The following MFSD8 variants were observed in gnomAD, a reference collection of about 807,000 sequenced individuals.
The protein encoded by MFSD8 is major facilitator superfamily domain-containing protein 8.
In MFSD8, 55 loss-of-function variants were observed where a neutral mutation model predicts 66.4. The observed-to-expected ratio is 0.83, with a 90% CI of 0.67 to 1.04. The LOEUF is 1.04. Among genes scored for constraint, MFSD8 ranks in the 50% least tolerant of loss-of-function variants. The pLI is 0.00. For missense variants in MFSD8, 550 were observed against 627.6 expected, an observed-to-expected ratio of 0.88 and a Z score of 1.32; for synonymous variants, 202 against 212.8, an observed-to-expected ratio of 0.95 and a Z score of 0.44.
intron 8 of MFSD8, among the ~76,000 whole-genome samples, chr4:127,931,934 TC>T (rs1394849270): frequency 1.3e-5 from 2 of 151,936 alleles, no homozygotes; most frequent in Non-Finnish European, 2.9e-5. Flanking sequence ...CATGGGGAAA[TC>T]CTGTCTCTAC....
At position 127,965,164 on chromosome 4, in the gene MFSD8, CA is replaced by C; in HGVS notation, c.-32del. ...CACTCCCTACAAGGCGTCTTGCGCC[CA>C]ACTCTCGCGACACCTGCTTTCTCCC... On this transcript the variant is annotated 5_prime_UTR_variant, in exon 1 of 12. Coordinates refer to ENST00000641686, the MANE Select transcript of MFSD8 (RefSeq NM_001371596.2). The C allele has an allele frequency of 6.2e-7, 1 of 1,613,270 alleles. No individual in the cohort carries two copies. Among genetic ancestry groups the C allele is most frequent in the East Asian group, 2.2e-5 (1 of 44,872 alleles).
At chr4:127,964,174 C>A (rs1181368515) in intron 1 of MFSD8, among the ~76,000 whole-genome samples, 1 of 152,274 alleles carries the variant, frequency 6.6e-6, no homozygotes. Context: ...GCTGGCTTCG[C>A]CCAGTGGATC....
At chr4:127,933,513 G>C (rs1738521428) in intron 7 of MFSD8, 1 of 164,636 alleles carries the variant, frequency 6.1e-6, no homozygotes, top group Admixed American at 5.9e-5. Flanking sequence ...CAAAGTGTTG[G>C]GATTACACGT....
At chr4:127,927,004 A>T (rs1425008131) in intron 9 of MFSD8, among the ~76,000 whole-genome samples, 1 of 152,206 alleles carries the variant, frequency 6.6e-6, no homozygotes, top group Non-Finnish European at 1.5e-5. Flanking sequence ...CCAGTACTAT[A>T]ATCTACAGTA....
intron 2 of MFSD8, among the ~76,000 whole-genome samples, chr4:127,950,844 G>A (rs1356448694): frequency 6.6e-6 from 1 of 151,826 alleles, no homozygotes; most frequent in African/African-American, 2.4e-5. Context: ...AATCACTTGA[G>A]GCCAGGAGTT....
chr4:127,950,980 G>A (rs1182144908), intron 2 of MFSD8, among the ~76,000 whole-genome samples: 1 of 150,264 alleles, frequency 6.7e-6, no homozygotes, highest in African/African-American at 2.4e-5. Context: ...AGAATTGCTT[G>A]AACACGGAGG....
At chr4:127,965,039 G>C (rs2149007869) in intron 1 of MFSD8, 33 bp downstream of exon 1, 1 of 1,610,056 alleles carries the variant, frequency 6.2e-7, no homozygotes, top group Non-Finnish European at 8.5e-7. Context: ...CAGCGCAGGA[G>C]ACTGAGGGGT....
rs1743087138 is a variant in MFSD8, at chr4:127,957,522, T to A, written c.133A>T (p.Thr45Ser). 2 of 1,609,516 alleles carry A rather than the reference T, an allele frequency of 1.2e-6. No individual in the cohort carries two copies. Among genetic ancestry groups the A allele is most frequent in the Non-Finnish European group, 1.7e-6 (2 of 1,176,250 alleles). ...TTACCTACACTGCTGAGAAACATAG[T>A]AAGATATAAAATCCTAATAGATCTC... The part of the protein sequence containing the change: ...RWRSIRILYL[T>S]MFLSSVGFSV... The change falls in exon 2 of 12, where the codon ACT (threonine) becomes TCT (serine). Residue 45 changes from threonine (T) to serine (S), a missense_variant. Thr to Ser is a moderately conservative substitution (Grantham distance 58). Coordinates refer to ENST00000641686, the MANE Select transcript of MFSD8 (RefSeq NM_001371596.2).
chr4:127,936,381 C>T (rs914900803), intron 7 of MFSD8, among the ~76,000 whole-genome samples: 3 of 151,942 alleles, frequency 2.0e-5, no homozygotes, highest in African/African-American at 7.2e-5. Context: ...TCCCAAAGTG[C>T]TGGGATTACA....
intron 1 of MFSD8, chr4:127,964,542 G>C (rs1352199702): frequency 5.8e-6 from 1 of 171,022 alleles, no homozygotes; most frequent in Non-Finnish European, 1.3e-5. Flanking sequence ...TGCGGGGCCC[G>C]CCAAGCCCAC....
chr4:127,959,653 C>T (rs753845659), intron 1 of MFSD8, among the ~76,000 whole-genome samples: 3 of 151,946 alleles, frequency 2.0e-5, no homozygotes, highest in African/African-American at 4.8e-5. Flanking sequence ...ATGTACCTGC[C>T]GAAAGATTTC....
At chr4:127,962,927 G>C (rs1744040435) in intron 1 of MFSD8, among the ~76,000 whole-genome samples, 2 of 152,114 alleles carry the variant, frequency 1.3e-5, no homozygotes, top group South Asian at 4.1e-4. Flanking sequence ...GTGCTTAAGG[G>C]GAACAAATGA....
rs1018274376 is a variant in MFSD8, at chr4:127,941,611, G to A, written c.553+434C>T. On this transcript the variant is annotated intron_variant, in intron 5 of 11. Coordinates refer to ENST00000641686, the MANE Select transcript of MFSD8 (RefSeq NM_001371596.2). ...CAAGTAGCTGGGATTACAGGTGCCC[G>A]CCACCACACCTGGCTAATTTTTGTA... Among the ~76,000 whole-genome samples the A allele has an allele frequency of 4.6e-5, 7 of 151,938 alleles. No individual in the cohort carries two copies. In the East Asian group the frequency reaches 5.8e-4, roughly 13 times the overall value.
intron 1 of MFSD8, among the ~76,000 whole-genome samples, chr4:127,963,741 C>T (rs775215780): frequency 6.6e-6 from 1 of 152,136 alleles, no homozygotes; most frequent in African/African-American, 2.4e-5. Flanking sequence ...TCGCAAAGAG[C>T]GAAAAAACAA....
chr4:127,964,959 G>C, intron 1 of MFSD8, 113 bp downstream of exon 1: 1 of 1,311,320 alleles, frequency 7.6e-7, no homozygotes, highest in South Asian at 1.3e-5. Context: ...GGCTCCCACC[G>C]CGCTGGAACC....
chr4:127,960,149 T>C lies in MFSD8; in HGVS notation c.63-2557A>G, dbSNP rs190736830. Among the ~76,000 whole-genome samples the C allele has an allele frequency of 3.0e-3, 453 of 152,316 alleles. 4 individuals are homozygous for C. Among genetic ancestry groups the C allele is most frequent in the African/African-American group, 0.01 (436 of 41,558 alleles). On this transcript the variant is annotated intron_variant, in intron 1 of 11. Coordinates refer to ENST00000641686, the MANE Select transcript of MFSD8 (RefSeq NM_001371596.2). ...TTACAAACTGAAATACTCCAAATGA[T>C]AGCATGCTTGTCAAACTTGTGACTT...
intron 1 of MFSD8, among the ~76,000 whole-genome samples, chr4:127,960,312 T>C (rs1743534709): frequency 6.6e-6 from 1 of 152,150 alleles, no homozygotes; most frequent in Non-Finnish European, 1.5e-5. Flanking sequence ...GGCAGACTGC[T>C]TGAGGTCAGG....
chr4:127,952,838 T>G (rs1487439380), intron 2 of MFSD8, among the ~76,000 whole-genome samples: 2 of 143,646 alleles, frequency 1.4e-5, no homozygotes, highest in Non-Finnish European at 3.0e-5. Flanking sequence ...CTACTGCACT[T>G]CAGCCTGGAA....
At chr4:127,927,899 T>C (rs1737484178) in intron 9 of MFSD8, among the ~76,000 whole-genome samples, 1 of 152,028 alleles carries the variant, frequency 6.6e-6, no homozygotes, top group Non-Finnish European at 1.5e-5. Flanking sequence ...TCTCATTATA[T>C]CATAGTGAGA....
Sources: gnomAD v4.1 joint callset for allele counts (sites outside exome capture counted in the v4.1 genomes callset) on GRCh38, gnomAD v4.1.1 for gene constraint, MANE v1.5 for transcripts, NCBI Gene and HGNC (gene_info 2026-07-23, HGNC 2026-07-21) for gene names.